The following MCFD2 variants were observed in gnomAD, a reference collection of about 807,000 sequenced individuals.
MCFD2 encodes the protein multiple coagulation factor deficiency 2, ER cargo receptor complex subunit.
A neutral mutation model predicts 12.8 loss-of-function variants in MCFD2; 11 were observed. The observed-to-expected ratio is 0.86, with a 90% CI of 0.54 to 1.42. The LOEUF (loss-of-function observed/expected upper bound fraction) is 1.42. Among genes scored for constraint, MCFD2 ranks in the 40% most tolerant of loss-of-function variants. The pLI, the probability that MCFD2 is intolerant of heterozygous loss-of-function variation, is 0.00. For missense variants in MCFD2, 191 were observed against 178.6 expected (o/e 1.07, Z -0.40); for synonymous variants, 70 against 68.1 (o/e 1.03, Z -0.14).
At chr2:46,927,778 C>T (rs1669467099) in intron 1 of MCFD2, among the ~76,000 whole-genome samples, 2 of 151,186 alleles carry the variant, frequency 1.3e-5, no homozygotes, top group Non-Finnish European at 2.9e-5. Context: ...TAAAATACTA[C>T]AGCCAGCTAA....
Position 46,908,079 on chromosome 2 carries a change from C to T in MCFD2, c.150-110G>A. On this transcript the variant is annotated intron_variant, in intron 2 of 3. Transcript: ENST00000319466. The surrounding 1 kb of genome is among the most constrained non-coding windows in gnomAD (Gnocchi z 4.5). The stretch of plus-strand genomic sequence containing the variant: ...TTAAACTTCCTCCAGCTCAGAAAAA[C>T]AAACACCAGCAGTGGCAGACCACAC... The T allele has an allele frequency of 2.5e-6, 3 of 1,193,674 alleles. No individual in the cohort carries two copies. Among genetic ancestry groups the T allele is most frequent in the Non-Finnish European group, 3.6e-6 (3 of 827,382 alleles). The allele number at this position is 1,193,674 out of a possible 1,614,324, so 73.9% of individuals were successfully genotyped here.
At chr2:46,906,576 C>G (rs1467254032) in intron 3 of MCFD2, among the ~76,000 whole-genome samples, 1 of 149,944 alleles carries the variant, frequency 6.7e-6, no homozygotes, top group East Asian at 2.0e-4. Context: ...GCCTCGACCT[C>G]CCAGGCTCAG....
At chr2:46,914,253 C>T (rs1668602595) in intron 1 of MCFD2, 1 of 152,294 alleles carries the variant, frequency 6.6e-6, no homozygotes, top group Admixed American at 6.5e-5. Context: ...CCTATCAGCA[C>T]TAAGTTTGGG....
chr2:46,927,553 G>C (rs894045284), intron 1 of MCFD2, among the ~76,000 whole-genome samples: 4 of 151,646 alleles, frequency 2.6e-5, no homozygotes, highest in African/African-American at 9.7e-5. Flanking sequence ...GTGGAGACAG[G>C]GTTTCACCGT....
rs1668113489 is a variant in MCFD2 at position 46,903,968 on chromosome 2, C to G, written c.*1495G>C. On this transcript the variant is annotated 3_prime_UTR_variant, in exon 4 of 4. Transcript: ENST00000319466. ...CAGGCCATGTCAGGGCAGCCCCTGA[C>G]ATGTGTGTGCAGCCTAGGGACTTGG... 2.6e-5 allele frequency: 4 copies of G among 152,142 alleles called. No individual in the cohort carries two copies. The highest frequency in any genetic ancestry group is 4.8e-5 in the African/African-American group (2 of 41,414). The allele number at this position is 152,142 out of a possible 1,614,324, so 9.4% of individuals were successfully genotyped here. A position where few individuals can be genotyped will look rare whatever the true frequency, so the allele number is the denominator to read the frequency against.
intron 1 of MCFD2, among the ~76,000 whole-genome samples, chr2:46,928,907 A>C (rs1669545697): frequency 6.6e-6 from 1 of 152,252 alleles, no homozygotes; most frequent in Non-Finnish European, 1.5e-5. Context: ...TCATGCCTGC[A>C]ATCCCAGCAC....
intron 1 of MCFD2, among the ~76,000 whole-genome samples, chr2:46,933,044 C>T (rs1336220520): frequency 1.3e-5 from 2 of 152,308 alleles, no homozygotes; most frequent in African/African-American, 4.8e-5. Flanking sequence ...TGAAAAGGCT[C>T]TGAGCCCTTG....
Position 46,941,286 on chromosome 2 carries a change from G to A in MCFD2, c.-8+286C>T, listed in dbSNP as rs970395807. On this transcript the variant is annotated intron_variant, in intron 1 of 2. Transcript: ENST00000409147. This position sits in a 1 kb window ranked among gnomAD's most constrained non-coding sequence, Gnocchi z 4.2. ...CAGGAGCTGCTACAGCAGAGGCGGA[G>A]GTTGCTCCTGTACGCGTACGGGCCG... 2.4e-5 allele frequency: 4 copies of A among 169,932 alleles called. No individual in the cohort carries two copies. Among genetic ancestry groups the A allele is most frequent in the South Asian group, 1.7e-4 (1 of 5,882 alleles). 10.5% of individuals were successfully genotyped at this position (169,932 alleles called of 1,614,324 possible). A position where few individuals can be genotyped will look rare whatever the true frequency, so the allele number is the denominator to read the frequency against.
rs1668359335 is a variant in MCFD2 at position 46,908,904 on chromosome 2, G to A, written c.149+119C>T. The A allele has an allele frequency of 7.9e-7, 1 of 1,272,768 alleles. No homozygotes were observed. The highest frequency in any genetic ancestry group is 1.1e-6 in the Non-Finnish European group (1 of 871,876). 78.8% of individuals were successfully genotyped at this position (1,272,768 alleles called of 1,614,324 possible). On this transcript the variant is annotated intron_variant, in intron 2 of 3. Coordinates refer to ENST00000319466, the MANE Select transcript of MCFD2 (RefSeq NM_139279.6). The surrounding 1 kb of genome is among the most constrained non-coding windows in gnomAD (Gnocchi z 4.5). ...ATAAGGAATAAGAATCATCCTTGAA[G>A]AATGTCAAGGAGCCATAGAAACAGG...
At chr2:46,918,941 C>A (rs1485379937), upstream of MCFD2, among the ~76,000 whole-genome samples, 1 of 152,260 alleles carries the variant, frequency 6.6e-6, no homozygotes, top group African/African-American at 2.4e-5. Flanking sequence ...CTGAAATACC[C>A]CATTTACTTT....
At chr2:46,938,904 G>A (rs565576557) in intron 1 of MCFD2, among the ~76,000 whole-genome samples, 4 of 151,816 alleles carry the variant, frequency 2.6e-5, no homozygotes, top group East Asian at 1.9e-4. Context: ...CCAGCTACTC[G>A]GGAGGCTAAG....
At chr2:46,911,918 A>C (rs1441792700) in intron 1 of MCFD2, among the ~76,000 whole-genome samples, 5 of 152,124 alleles carry the variant, frequency 3.3e-5, no homozygotes, top group African/African-American at 1.2e-4. Context: ...AATGTAATCT[A>C]TCCCATAATT....
At position 46,907,721 on chromosome 2, in the gene MCFD2, A is replaced by T; in HGVS notation, c.309+89T>A. 4.3e-6 allele frequency: 6 copies of T among 1,394,990 alleles called. No individual in the cohort carries two copies. Among genetic ancestry groups the T allele is most frequent in the Non-Finnish European group, 6.1e-6 (6 of 988,654 alleles). 86.4% of individuals were successfully genotyped at this position (1,394,990 alleles called of 1,614,324 possible). ...GGAGAAGCAGCACTCTTGGCACATA[A>T]GGACAACACAAGTCAACAAGACTGG... On this transcript the variant is annotated intron_variant, in intron 3 of 3. Transcript: ENST00000319466. The surrounding 1 kb of genome is among the most constrained non-coding windows in gnomAD (Gnocchi z 4.1).
chr2:46,912,162 G>A (rs763541774), intron 1 of MCFD2, among the ~76,000 whole-genome samples: 7 of 151,766 alleles, frequency 4.6e-5, no homozygotes, highest in Admixed American at 6.6e-5. Context: ...GTGGCAAAAT[G>A]CGTCTCTACT....
upstream of MCFD2, among the ~76,000 whole-genome samples, chr2:46,919,070 T>C (rs909666643): frequency 6.6e-6 from 1 of 152,224 alleles, no homozygotes; most frequent in African/African-American, 2.4e-5. Flanking sequence ...CTCAGCTGTT[T>C]TGAATTGTCT....
upstream of MCFD2, chr2:46,917,237 C>G (rs1320719983): frequency 2.9e-6 from 2 of 696,960 alleles, no homozygotes; most frequent in Non-Finnish European, 2.6e-6. Context: ...TCAAGCAATC[C>G]TCCCACCACC....
intron 1 of MCFD2, among the ~76,000 whole-genome samples, chr2:46,923,948 C>T (rs927071340): frequency 1.3e-5 from 2 of 152,046 alleles, no homozygotes; most frequent in Non-Finnish European, 2.9e-5. Context: ...GTTGGCCAGG[C>T]TGGTCTCGAA....
chr2:46,905,083 C>T lies in MCFD2; in HGVS notation c.*380G>A, dbSNP rs1283069461. The stretch of plus-strand genomic sequence containing the variant: ...CTTCTTCCTCATTTTCTCTTGCTGC[C>T]ATGTAAGAAGTGCCTTTCACCTCCC... On this transcript the variant is annotated 3_prime_UTR_variant, in exon 4 of 4. Transcript: ENST00000319466. 3.0e-5 allele frequency: 10 copies of T among 330,278 alleles called. No homozygotes were observed. The highest frequency in any genetic ancestry group is 1.7e-4 in the African/African-American group (8 of 46,164). 20.5% of individuals were successfully genotyped at this position (330,278 alleles called of 1,614,324 possible).
At chr2:46,916,892 C>T (rs1227706522), upstream of MCFD2, among the ~76,000 whole-genome samples, 3 of 152,134 alleles carry the variant, frequency 2.0e-5, no homozygotes, top group Non-Finnish European at 4.4e-5. Flanking sequence ...CTCAGCCTCC[C>T]AAAGTGCTGG....
Sources: allele counts gnomAD v4.1 joint callset (sites outside exome capture counted in the v4.1 genomes callset), GRCh38; gene constraint gnomAD v4.1.1; non-coding constraint Gnocchi (gnomAD v3.1); transcripts MANE v1.5; gene names NCBI Gene and HGNC (gene_info 2026-07-23, HGNC 2026-07-21).